Variants in NSFL1C observed in about 807,000 individuals in gnomAD.
NSFL1C encodes NSFL1 cofactor.
A neutral mutation model predicts 43.1 loss-of-function variants in NSFL1C; 14 were observed. The ratio of observed to expected loss-of-function variants is 0.32; its 90% CI spans 0.21 to 0.51. NSFL1C has a LOEUF of 0.51. NSFL1C is among the 20% of genes least tolerant of loss of function. The probability of loss-of-function intolerance (pLI) is 0.98; values close to 1 mark genes in which losing one functional copy is unlikely to be tolerated. For synonymous variants in NSFL1C, 171 were observed against 183.5 expected, an observed-to-expected ratio of 0.93 and a Z score of 0.55; for missense variants, 406 against 472.5, an observed-to-expected ratio of 0.86 and a Z score of 1.30.
chr20:1,447,014 T>C (rs184271373), intron 7 of NSFL1C, among the ~76,000 whole-genome samples: 1 of 152,346 alleles, frequency 6.6e-6, no homozygotes, highest in East Asian at 1.9e-4. Context: ...TTAAAGGTTT[T>C]GAGAGATTGC....
intron 8 of NSFL1C, among the ~76,000 whole-genome samples, chr20:1,445,397 A>C (rs1227045728): frequency 6.6e-6 from 1 of 152,202 alleles, no homozygotes; most frequent in Non-Finnish European, 1.5e-5. Context: ...GCTTAAAAAA[A>C]GCCCTGAGAA....
At chr20:1,460,930 G>C (rs1033209154) in intron 2 of NSFL1C, among the ~76,000 whole-genome samples, 9 of 152,210 alleles carry the variant, frequency 5.9e-5, no homozygotes, top group Admixed American at 5.9e-4. Flanking sequence ...GCATACAGGG[G>C]TGGGAGGTGC....
rs1292020544 is a variant in NSFL1C, at chr20:1,443,148, T to A, written c.*601A>T. 1 of 152,196 alleles carries A rather than the reference T, an allele frequency of 6.6e-6. No individual in the cohort carries two copies. Among genetic ancestry groups the A allele is most frequent in the Non-Finnish European group, 1.5e-5 (1 of 68,096 alleles). 9.4% of individuals were successfully genotyped at this position (152,196 alleles called of 1,614,324 possible). A position where few individuals can be genotyped will look rare whatever the true frequency, so the allele number is the denominator to read the frequency against. On this transcript the variant is annotated 3_prime_UTR_variant, in exon 9 of 9. Transcript: ENST00000216879. The stretch of plus-strand genomic sequence containing the variant: ...AAGATTAGATACCCCAGGGGTTGAG[T>A]AAAAGGAGCACAGGGAAATATTTAT...
intron 2 of NSFL1C, among the ~76,000 whole-genome samples, chr20:1,460,674 C>T (rs957560752): frequency 2.3e-4 from 35 of 152,192 alleles, no homozygotes; most frequent in Non-Finnish European, 4.6e-4. Flanking sequence ...TGGAAATGCT[C>T]TATCTGCACT....
At chr20:1,445,606 C>T (rs2090040851) in intron 8 of NSFL1C, 60 bp downstream of exon 8, 7 of 1,572,076 alleles carry the variant, frequency 4.5e-6, no homozygotes, top group Non-Finnish European at 5.2e-6. Flanking sequence ...GCTTCCCACA[C>T]ATTTGCGTGA....
chr20:1,443,726 A>C lies in NSFL1C; in HGVS notation c.*23T>G. On this transcript the variant is annotated 3_prime_UTR_variant, in exon 9 of 9. Transcript: ENST00000216879. ...ACTGGCCATGGGAAACACAGGAGGG[A>C]GGCCAGGCAGCTGGCTGGGCGGTTA... 1 of 1,611,920 alleles carries C rather than the reference A, an allele frequency of 6.2e-7. No individual in the cohort carries two copies. Among genetic ancestry groups the C allele is most frequent in the South Asian group, 1.1e-5 (1 of 91,026 alleles).
At chr20:1,449,647 A>G (rs2090143568) in intron 7 of NSFL1C, among the ~76,000 whole-genome samples, 1 of 152,180 alleles carries the variant, frequency 6.6e-6, no homozygotes, top group African/African-American at 2.4e-5. Flanking sequence ...GTTAGAGCAG[A>G]CGTCTATAAA....
At chr20:1,465,226 A>ATTT (rs2090485586) in intron 1 of NSFL1C, among the ~76,000 whole-genome samples, 1 of 152,224 alleles carries the variant, frequency 6.6e-6, no homozygotes, top group Non-Finnish European at 1.5e-5. Flanking sequence ...GGTCACAGAG[A>ATTT]TGAAATAGAC....
intron 7 of NSFL1C, among the ~76,000 whole-genome samples, chr20:1,448,418 C>G (rs1237976686): frequency 6.6e-6 from 1 of 152,204 alleles, no homozygotes; most frequent in Non-Finnish European, 1.5e-5. Context: ...AATGTGCACG[C>G]AAGGCCTGGT....
At chr20:1,453,652 T>C (rs1015105705) in intron 5 of NSFL1C, among the ~76,000 whole-genome samples, 6 of 152,204 alleles carry the variant, frequency 3.9e-5, no homozygotes, top group African/African-American at 1.4e-4. Context: ...CTTGCTTGAC[T>C]TTATTTTGGA....
rs2090524573 is a variant in NSFL1C, at chr20:1,466,804, C to T, written c.21G>A (p.Glu7=). 1 of 1,548,694 alleles carries T rather than the reference C, an allele frequency of 6.5e-7. No individual in the cohort carries two copies. Among genetic ancestry groups the T allele is most frequent in the Non-Finnish European group, 8.7e-7 (1 of 1,149,988 alleles). MAAERQ[E]ALREFVAVTG... ...TCACCGCCACGAACTCCCTCAGCGC[C>T]TCCTGTCGCTCCGCCGCCATCTTCG... Residue 7 remains glutamate (E), a synonymous_variant, in exon 1 of 9, where the codon GAG becomes GAA. Transcript: ENST00000216879.
chr20:1,460,354 G>A (rs1261816020), intron 2 of NSFL1C, among the ~76,000 whole-genome samples: 1 of 152,166 alleles, frequency 6.6e-6, no homozygotes, highest in Non-Finnish European at 1.5e-5. Flanking sequence ...GCCTCTGGAA[G>A]GGGTATCCAG....
chr20:1,462,598 T>G (rs1249966365), intron 2 of NSFL1C, among the ~76,000 whole-genome samples: 1 of 151,832 alleles, frequency 6.6e-6, no homozygotes, highest in Non-Finnish European at 1.5e-5. Context: ...CTCGACTCAC[T>G]GCAAGCTCCG....
rs539455036 is a variant in NSFL1C, at chr20:1,456,071, T to C, written c.279-939A>G. The C allele has an allele frequency of 6.3e-4, 159 of 253,066 alleles. 1 individual carries two copies. Among genetic ancestry groups the C allele is most frequent in the Non-Finnish European group, 9.9e-4 (127 of 128,654 alleles). 15.7% of individuals were successfully genotyped at this position (253,066 alleles called of 1,614,324 possible). A position where few individuals can be genotyped will look rare whatever the true frequency, so the allele number is the denominator to read the frequency against. The stretch of plus-strand genomic sequence containing the variant: ...CCTATTCAGAGCTAAGTCAACAGCT[T>C]GTCCCCAAGCAAGAAAAATTGAGAA... On this transcript the variant is annotated intron_variant, in intron 3 of 8. Coordinates refer to ENST00000216879, the MANE Select transcript of NSFL1C (RefSeq NM_016143.5).
chr20:1,461,163 C>CT (rs2122947443), intron 2 of NSFL1C, among the ~76,000 whole-genome samples: 1 of 152,310 alleles, frequency 6.6e-6, no homozygotes, highest in African/African-American at 2.4e-5. Context: ...TCCTGAAATA[C>CT]TAGCCGTCCC....
intron 2 of NSFL1C, among the ~76,000 whole-genome samples, chr20:1,458,502 T>A (rs1163675711): frequency 6.6e-6 from 1 of 152,170 alleles, no homozygotes; most frequent in Non-Finnish European, 1.5e-5. Context: ...TATCATGAGG[T>A]AAAATGGAAT....
In NSFL1C at chr20:1,448,999, C is replaced by A. The variant is rs527251847; in HGVS notation, c.786-3169G>T. ...AATAGCTAAAAACATGCACTGTACC[C>A]AACACATACTAAAAGTACAAACAAA... On this transcript the variant is annotated intron_variant, in intron 7 of 8. Coordinates refer to ENST00000216879, the MANE Select transcript of NSFL1C (RefSeq NM_016143.5). Among the ~76,000 whole-genome samples, 3 of 152,214 alleles carry A rather than the reference C, an allele frequency of 2.0e-5. No individual in the cohort carries two copies. In the South Asian group the frequency reaches 6.2e-4, roughly 32 times the overall value.
chr20:1,452,635 GGAAGAAAAGGCCATGCT>G lies in NSFL1C; in HGVS notation c.648-22_648-6del. On this transcript the variant is annotated splice_polypyrimidine_tract_variant and splice_region_variant and intron_variant, in intron 6 of 8. Transcript: ENST00000216879. ...CGAAGCTCTGCTGGCACCTCCCTGT[GGAAGAAAAGGCCATGCT>G]GAGGTCCACAGAGAGAAGATGGAAA... 1 of 1,613,984 alleles carries G rather than the reference GGAAGAAAAGGCCATGCT, an allele frequency of 6.2e-7. No individual in the cohort carries two copies. Among genetic ancestry groups the G allele is most frequent in the Non-Finnish European group, 8.5e-7 (1 of 1,179,974 alleles).
chr20:1,443,723 G>C lies in NSFL1C; in HGVS notation c.*26C>G, dbSNP rs1568610159. On this transcript the variant is annotated 3_prime_UTR_variant, in exon 9 of 9. Coordinates refer to ENST00000216879, the MANE Select transcript of NSFL1C (RefSeq NM_016143.5). Reference sequence around the variant, plus strand: ...GCCACTGGCCATGGGAAACACAGGAGGGAGGCCAGGCAGCTGGCTGGGCGG... The same window carrying C: ...GCCACTGGCCATGGGAAACACAGGACGGAGGCCAGGCAGCTGGCTGGGCGG... 4.3e-6 allele frequency: 7 copies of C among 1,612,038 alleles called. No homozygotes were observed. The highest frequency in any genetic ancestry group is 5.1e-6 in the Non-Finnish European group (6 of 1,178,424).
Sources: allele counts gnomAD v4.1 joint callset (sites outside exome capture counted in the v4.1 genomes callset), GRCh38; gene constraint gnomAD v4.1.1; transcripts MANE v1.5; gene names NCBI Gene and HGNC (gene_info 2026-07-23, HGNC 2026-07-21).